Variants in NRXN1 observed in about 807,000 individuals in gnomAD.
The protein encoded by NRXN1 is neurexin-1.
Under a neutral mutation model 150.9 loss-of-function variants are expected in NRXN1, and 39 were observed. The ratio of observed to expected loss-of-function variants is 0.26; its 90% CI spans 0.20 to 0.34. The LOEUF (loss-of-function observed/expected upper bound fraction) is 0.34. Ranked by LOEUF, NRXN1 falls within the 10% of genes least tolerant of loss-of-function variation. NRXN1 has a pLI of 1.00. For missense variants in NRXN1, 1,815 were observed against 1,949.9 expected (o/e 0.93, Z 1.30); for synonymous variants, 924 against 757.0 (o/e 1.22, Z -3.62).
At chr2:50,623,272 G>A (rs200098024) in intron 6 of NRXN1, 42 bp downstream of exon 6, 59 of 1,538,460 alleles carry the variant, frequency 3.8e-5, no homozygotes, top group Middle Eastern at 1.7e-4. Context: ...CAGCTATAGC[G>A]AGAAACAAAG....
At chr2:50,214,173 A>G (rs1008505412) in intron 18 of NRXN1, among the ~76,000 whole-genome samples, 8 of 151,916 alleles carry the variant, frequency 5.3e-5, no homozygotes, top group Non-Finnish European at 1.0e-4. Context: ...GAGTAACAAT[A>G]TCTTCTTTTA....
chr2:50,898,976 C>T lies in NRXN1; in HGVS notation c.832+22893G>A, dbSNP rs577368495. On this transcript the variant is annotated intron_variant, in intron 5 of 22. Transcript: ENST00000401669. ...AAATTATTTCCTAATATAGATGACTCAAAGAAATACCTGTCAAACAGAGAG... is the reference window on the plus strand; with the variant it reads ...AAATTATTTCCTAATATAGATGACTTAAAGAAATACCTGTCAAACAGAGAG... 7.3e-5 allele frequency among the ~76,000 whole-genome samples: 11 copies of T among 151,722 alleles called. No individual in the cohort carries two copies. The South Asian group carries it at 2.3e-3, about 32-fold the overall frequency.
chr2:50,719,397 G>A (rs535150259), intron 5 of NRXN1, among the ~76,000 whole-genome samples: 50 of 152,100 alleles, frequency 3.3e-4, no homozygotes, highest in Non-Finnish European at 6.3e-4. Flanking sequence ...TTTCCGGCTG[G>A]GTGCGGTGGC....
intron 19 of NRXN1, among the ~76,000 whole-genome samples, chr2:50,081,381 ATCCTGG>A (rs1193186450): frequency 6.6e-6 from 1 of 152,074 alleles, no homozygotes; most frequent in African/African-American, 2.4e-5. Context: ...GATCGCGACC[ATCCTGG>A]TCAACGTGGT....
intron 17 of NRXN1, among the ~76,000 whole-genome samples, chr2:50,339,793 T>C (rs996872741): frequency 6.6e-6 from 1 of 152,200 alleles, no homozygotes; most frequent in Admixed American, 6.5e-5. Context: ...TACCACAAGG[T>C]AATATTAGAT....
chr2:50,198,233 C>A (rs1328824414), intron 18 of NRXN1, among the ~76,000 whole-genome samples: 1 of 152,020 alleles, frequency 6.6e-6, no homozygotes, highest in Non-Finnish European at 1.5e-5. Context: ...CACTTGCATG[C>A]AAACTTAGAT....
intron 18 of NRXN1, among the ~76,000 whole-genome samples, chr2:50,202,138 C>T (rs1053262529): frequency 3.3e-5 from 5 of 152,108 alleles, no homozygotes; most frequent in East Asian, 1.9e-4. Context: ...ATAATGGACA[C>T]CACAAACAAA....
intron 17 of NRXN1, among the ~76,000 whole-genome samples, chr2:50,437,367 C>A (rs2085534561): frequency 6.6e-6 from 1 of 152,168 alleles, no homozygotes; most frequent in African/African-American, 2.4e-5. Flanking sequence ...GCCTTTCCCC[C>A]ATGTTCTCAA....
At chr2:50,872,475 G>A (rs1193596030) in intron 5 of NRXN1, among the ~76,000 whole-genome samples, 1 of 151,712 alleles carries the variant, frequency 6.6e-6, no homozygotes, top group Non-Finnish European at 1.5e-5. Flanking sequence ...TACCTTGGAG[G>A]TGGTAGAAAA....
intron 17 of NRXN1, among the ~76,000 whole-genome samples, chr2:50,261,770 TA>T (rs1483552805): frequency 3.3e-5 from 5 of 151,912 alleles, no homozygotes; most frequent in Admixed American, 3.3e-4. Flanking sequence ...GTCTACACTC[TA>T]AATTCATTAA....
intron 8 of NRXN1, among the ~76,000 whole-genome samples, chr2:50,612,513 C>A (rs1050207608): frequency 6.6e-6 from 1 of 152,110 alleles, no homozygotes; most frequent in African/African-American, 2.4e-5. Context: ...CAGGCACATG[C>A]CTCTTGGGTA....
intron 18 of NRXN1, among the ~76,000 whole-genome samples, chr2:50,192,541 T>A (rs2061508479): frequency 6.6e-6 from 1 of 151,870 alleles, no homozygotes; most frequent in African/African-American, 2.4e-5. Context: ...ATAATATAAT[T>A]ATATTTTTGT....
chr2:50,348,584 G>A (rs77469723), intron 17 of NRXN1, among the ~76,000 whole-genome samples: 2 of 152,138 alleles, frequency 1.3e-5, no homozygotes, highest in Non-Finnish European at 2.9e-5. Context: ...CCTAAATCTA[G>A]TGCCCCCAAG....
At chr2:50,799,169 G>A (rs569348635) in intron 5 of NRXN1, among the ~76,000 whole-genome samples, 67 of 152,220 alleles carry the variant, frequency 4.4e-4, no homozygotes, top group Non-Finnish European at 5.4e-4. Flanking sequence ...TATATATGCC[G>A]TGGGATGATA....
At chr2:50,511,614 G>C (rs1042893502) in intron 12 of NRXN1, among the ~76,000 whole-genome samples, 3 of 152,138 alleles carry the variant, frequency 2.0e-5, no homozygotes, top group African/African-American at 7.2e-5. Flanking sequence ...CCTTAATTCA[G>C]TGTAAATTGA....
Position 50,821,010 on chromosome 2 carries a change from C to G in NRXN1, c.832+100859G>C, listed in dbSNP as rs531888712. Among the ~76,000 whole-genome samples, 3 of 152,154 alleles carry G rather than the reference C, an allele frequency of 2.0e-5. No homozygotes were observed. The South Asian group carries it at 6.2e-4, about 32-fold the overall frequency. Reference sequence around the variant, plus strand: ...TCTAATTAAGCAGGTGTGAGATTTCCATATATGCATTCACCCCCAACAACA... The same window carrying G: ...TCTAATTAAGCAGGTGTGAGATTTCGATATATGCATTCACCCCCAACAACA... On this transcript the variant is annotated intron_variant, in intron 5 of 22. Transcript: ENST00000401669.
chr2:50,859,479 T>C (rs990265316), intron 5 of NRXN1, among the ~76,000 whole-genome samples: 41 of 151,804 alleles, frequency 2.7e-4, no homozygotes, highest in African/African-American at 8.5e-4. Context: ...AAAATCAGAA[T>C]GAAATGATTA....
chr2:50,219,132 G>C (rs1185136601), intron 18 of NRXN1, among the ~76,000 whole-genome samples: 1 of 151,926 alleles, frequency 6.6e-6, no homozygotes, highest in Non-Finnish European at 1.5e-5. Flanking sequence ...TATTCAAACA[G>C]GCTTTGATCC....
At chr2:50,015,137 C>T (rs887785545) in intron 21 of NRXN1, among the ~76,000 whole-genome samples, 1 of 152,008 alleles carries the variant, frequency 6.6e-6, no homozygotes, top group African/African-American at 2.4e-5. Context: ...AATAAAAGCC[C>T]TGTGTTTTTC....
Sources: gnomAD v4.1 joint callset for allele counts (sites outside exome capture counted in the v4.1 genomes callset) on GRCh38, gnomAD v4.1.1 for gene constraint, MANE v1.5 for transcripts, NCBI Gene and HGNC (gene_info 2026-07-23, HGNC 2026-07-21) for gene names.